Variants in PSME3IP1 observed in about 807,000 individuals in gnomAD.
PSME3IP1 encodes PSME3-interacting protein.
A neutral mutation model predicts 34.1 loss-of-function variants in PSME3IP1; 13 were observed. The ratio of observed to expected loss-of-function variants is 0.38; its 90% CI spans 0.25 to 0.61. The LOEUF is 0.61. Ranked by LOEUF, PSME3IP1 falls within the 20% of genes least tolerant of loss-of-function variation. The pLI, the probability that PSME3IP1 is intolerant of heterozygous loss-of-function variation, is 0.60. For missense variants in PSME3IP1, 237 were observed against 301.4 expected (o/e 0.79, Z 1.58); for synonymous variants, 93 against 114.3 (o/e 0.81, Z 1.19).
chr16:57,170,810 C>T (rs536616875), intron 4 of PSME3IP1, among the ~76,000 whole-genome samples: 12 of 152,290 alleles, frequency 7.9e-5, no homozygotes, highest in East Asian at 1.9e-4. Context: ...CGGTGGCTTA[C>T]GCCTGTAATC....
chr16:57,170,514 C>T (rs549750736), intron 4 of PSME3IP1, among the ~76,000 whole-genome samples: 2 of 152,356 alleles, frequency 1.3e-5, no homozygotes, highest in South Asian at 2.1e-4. Context: ...TGTTACTCAA[C>T]ATATAAGCTT....
chr16:57,168,639 T>A (rs1435244803), intron 4 of PSME3IP1, among the ~76,000 whole-genome samples: 1 of 151,578 alleles, frequency 6.6e-6, no homozygotes, highest in African/African-American at 2.4e-5. Flanking sequence ...CTGTCTCTAC[T>A]AAAAAGACAA....
At chr16:57,164,527 G>T (rs1413852063) in intron 5 of PSME3IP1, among the ~76,000 whole-genome samples, 1 of 152,170 alleles carries the variant, frequency 6.6e-6, no homozygotes, top group African/African-American at 2.4e-5. Context: ...AATGATCCCA[G>T]AAGGAAGGGA....
chr16:57,173,206 G>A (rs1178260393), intron 2 of PSME3IP1, among the ~76,000 whole-genome samples: 2 of 152,214 alleles, frequency 1.3e-5, no homozygotes, highest in Non-Finnish European at 2.9e-5. Context: ...GAGGAGAGGA[G>A]CAGAATCTCT....
chr16:57,176,779 C>T (rs1336794215), intron 1 of PSME3IP1, among the ~76,000 whole-genome samples: 1 of 152,098 alleles, frequency 6.6e-6, no homozygotes, highest in Non-Finnish European at 1.5e-5. Flanking sequence ...ATGATTTAAA[C>T]CTGGGAAATA....
At chr16:57,180,266 T>C (rs1272624315) in intron 1 of PSME3IP1, among the ~76,000 whole-genome samples, 1 of 152,216 alleles carries the variant, frequency 6.6e-6, no homozygotes, top group South Asian at 2.1e-4. Flanking sequence ...AGCTTTGCAA[T>C]AATCTTTCAG....
rs545162870 is a variant in PSME3IP1, at chr16:57,176,939, C to G, written c.-15-3070G>C. Among the ~76,000 whole-genome samples the G allele has an allele frequency of 1.1e-4, 16 of 152,264 alleles. No individual in the cohort carries two copies. The East Asian group carries it at 3.1e-3, about 29-fold the overall frequency. On this transcript the variant is annotated intron_variant, in intron 1 of 6. Coordinates refer to ENST00000309137, the MANE Select transcript of PSME3IP1 (RefSeq NM_024946.4). ...GCACGATCTTGGCTCACTGCAACCTCCGCTTCCCAGATTCAAGCGATTCTC... is the reference window on the plus strand; with the variant it reads ...GCACGATCTTGGCTCACTGCAACCTGCGCTTCCCAGATTCAAGCGATTCTC...
chr16:57,171,216 A>C (rs1218937703), intron 4 of PSME3IP1, among the ~76,000 whole-genome samples: 1 of 152,204 alleles, frequency 6.6e-6, no homozygotes, highest in Admixed American at 6.5e-5. Flanking sequence ...CTGAGGAAAC[A>C]GCAAGTCTGA....
At chr16:57,174,306 A>AT in intron 1 of PSME3IP1, 1 of 456,728 alleles carries the variant, frequency 2.2e-6, no homozygotes, top group Non-Finnish European at 2.9e-6. Context: ...AAAAAAAAAA[A>AT]ACTCTCAAAT....
chr16:57,183,514 G>T (rs1428494749), intron 1 of PSME3IP1, among the ~76,000 whole-genome samples: 2 of 152,008 alleles, frequency 1.3e-5, no homozygotes, highest in African/African-American at 4.8e-5. Context: ...TGTATTTTTA[G>T]TAGAGACAGG....
chr16:57,164,199 A>C, intron 5 of PSME3IP1, 134 bp from the exon 6 acceptor site: 1 of 696,750 alleles, frequency 1.4e-6, no homozygotes, highest in Non-Finnish European at 2.5e-6. Context: ...AATGAATGAA[A>C]AGTATTCATT....
At chr16:57,165,060 A>C (rs1170275631) in intron 5 of PSME3IP1, among the ~76,000 whole-genome samples, 1 of 151,664 alleles carries the variant, frequency 6.6e-6, no homozygotes, top group Non-Finnish European at 1.5e-5. Flanking sequence ...AGAAAAGAAA[A>C]AGAAAAGAGA....
intron 1 of PSME3IP1, among the ~76,000 whole-genome samples, chr16:57,176,855 A>G (rs981927085): frequency 5.9e-5 from 9 of 151,852 alleles, no homozygotes; most frequent in Non-Finnish European, 1.3e-4. Flanking sequence ...TGTTATATAT[A>G]TATAATTTTT....
intron 5 of PSME3IP1, among the ~76,000 whole-genome samples, chr16:57,166,706 T>C (rs1448850788): frequency 6.6e-6 from 1 of 152,230 alleles, no homozygotes; most frequent in Non-Finnish European, 1.5e-5. Flanking sequence ...TCTAGCTCTC[T>C]GTTTCTCTAT....
At chr16:57,177,199 AAAC>A (rs1161653951) in intron 1 of PSME3IP1, among the ~76,000 whole-genome samples, 29 of 152,190 alleles carry the variant, frequency 1.9e-4, no homozygotes, top group African/African-American at 4.3e-4. Context: ...AATATGCCAA[AAAC>A]AACAACAACA....
intron 6 of PSME3IP1, among the ~76,000 whole-genome samples, chr16:57,160,307 A>G (rs1301120190): frequency 6.6e-6 from 1 of 152,154 alleles, no homozygotes; most frequent in African/African-American, 2.4e-5. Flanking sequence ...AAAAAAAAAA[A>G]AAAAGAAAAA....
chr16:57,153,074 G>C lies in PSME3IP1; in HGVS notation c.*1216C>G, dbSNP rs1438470714. The stretch of plus-strand genomic sequence containing the variant: ...GGGGAATGGATAAAGAATGGTACAT[G>C]CTTATTCTAAAGCAGGAGAGCCTAC... On this transcript the variant is annotated 3_prime_UTR_variant, in exon 7 of 7. Coordinates refer to ENST00000309137, the MANE Select transcript of PSME3IP1 (RefSeq NM_024946.4). 6.5e-4 allele frequency: 100 copies of C among 152,692 alleles called. No individual in the cohort carries two copies. The highest frequency in any genetic ancestry group is 5.1e-4 in the Non-Finnish European group (35 of 68,048). 9.5% of individuals were successfully genotyped at this position (152,692 alleles called of 1,614,324 possible).
chr16:57,185,605 G>C (rs1028229458), intron 1 of PSME3IP1: 1 of 985,370 alleles, frequency 1.0e-6, no homozygotes, highest in Non-Finnish European at 1.2e-6. Context: ...GCCTGAAAGG[G>C]TCCTCGCCGC....
chr16:57,161,638 G>A (rs1188724553), intron 6 of PSME3IP1, among the ~76,000 whole-genome samples: 5 of 150,362 alleles, frequency 3.3e-5, no homozygotes, highest in African/African-American at 9.8e-5. Context: ...TCAGCCTCCC[G>A]AGTAGCTGGG....
Sources: allele counts gnomAD v4.1 joint callset (sites outside exome capture counted in the v4.1 genomes callset), GRCh38; gene constraint gnomAD v4.1.1; transcripts MANE v1.5; gene names NCBI Gene and HGNC (gene_info 2026-07-23, HGNC 2026-07-21).